Variants in GPC5 observed in about 807,000 individuals in gnomAD.
GPC5 encodes the protein glypican 5.
A neutral mutation model predicts 53.9 loss-of-function variants in GPC5; 47 were observed. The ratio of observed to expected loss-of-function variants is 0.87; its 90% CI spans 0.69 to 1.11. The LOEUF (loss-of-function observed/expected upper bound fraction) is 1.11. Ranked by LOEUF, GPC5 falls within the 50% of genes most tolerant of loss-of-function variation. The probability of loss-of-function intolerance (pLI) is 0.00; values close to 1 mark genes in which losing one functional copy is unlikely to be tolerated. For synonymous variants in GPC5, 286 were observed against 263.3 expected, an observed-to-expected ratio of 1.09 and a Z score of -0.84; for missense variants, 748 against 713.1, an observed-to-expected ratio of 1.05 and a Z score of -0.56.
intron 6 of GPC5, among the ~76,000 whole-genome samples, chr13:92,013,782 T>G (rs2040682651): frequency 6.6e-6 from 1 of 152,190 alleles, no homozygotes; most frequent in South Asian, 2.1e-4. Context: ...TATTCAAATA[T>G]TTATCTGATT....
intron 7 of GPC5, among the ~76,000 whole-genome samples, chr13:92,308,403 A>G (rs780246607): frequency 1.3e-5 from 2 of 152,214 alleles, no homozygotes; most frequent in Non-Finnish European, 1.5e-5. Flanking sequence ...TATGAACGAT[A>G]CATCTCAAAT....
intron 6 of GPC5, among the ~76,000 whole-genome samples, chr13:92,038,831 G>GAC (rs1179879466): frequency 6.6e-6 from 1 of 152,066 alleles, no homozygotes; most frequent in Non-Finnish European, 1.5e-5. Flanking sequence ...ACACAGTCAG[G>GAC]ACCCCAGGAA....
Position 92,063,563 on chromosome 13 carries a change from C to A in GPC5, c.1402-81267C>A, listed in dbSNP as rs564018004. On this transcript the variant is annotated intron_variant, in intron 6 of 7. Transcript: ENST00000377067. ...TGCTTTGGGCCCAAGAAATAAATTA[C>A]TGAAAAAATAAACCAAGAGAGGGTT... 2.0e-5 allele frequency among the ~76,000 whole-genome samples: 3 copies of A among 152,042 alleles called. No individual in the cohort carries two copies. The South Asian group carries it at 6.2e-4, about 32-fold the overall frequency.
chr13:92,296,039 T>C (rs550938371), intron 7 of GPC5, among the ~76,000 whole-genome samples: 13 of 152,266 alleles, frequency 8.5e-5, no homozygotes, highest in African/African-American at 3.1e-4. Flanking sequence ...TTTTAAGTTG[T>C]ATTTTTGTTT....
intron 6 of GPC5, among the ~76,000 whole-genome samples, chr13:92,006,884 T>C (rs1215504195): frequency 6.6e-6 from 1 of 151,238 alleles, no homozygotes; most frequent in East Asian, 1.9e-4. Flanking sequence ...CATTAGTTAA[T>C]TAACTTTGTT....
intron 5 of GPC5, among the ~76,000 whole-genome samples, chr13:91,766,417 A>G (rs1203947102): frequency 6.6e-6 from 1 of 152,174 alleles, no homozygotes; most frequent in Non-Finnish European, 1.5e-5. Context: ...TTATAATGCA[A>G]CCATTCATTC....
chr13:91,686,751 A>G (rs1222093763), intron 2 of GPC5, among the ~76,000 whole-genome samples: 2 of 152,146 alleles, frequency 1.3e-5, no homozygotes, highest in East Asian at 3.9e-4. Flanking sequence ...AAAATGATCT[A>G]CCTACCTATT....
At chr13:91,726,900 T>C (rs2140000943) in intron 3 of GPC5, among the ~76,000 whole-genome samples, 1 of 152,356 alleles carries the variant, frequency 6.6e-6, no homozygotes, top group East Asian at 1.9e-4. Context: ...GCATTCCATT[T>C]GCTCTCACAA....
In GPC5 at chr13:92,345,066, G is replaced by A. The variant is rs185245498; in HGVS notation, c.1561+200077G>A. 5.8e-4 allele frequency among the ~76,000 whole-genome samples: 88 copies of A among 152,158 alleles called. 1 individual carries two copies. In the East Asian group the frequency reaches 0.013, roughly 23 times the overall value. On this transcript the variant is annotated intron_variant, in intron 7 of 7. Transcript: ENST00000377067. ...GAACTAGCATAATAAAAATACAACAGCATAATATATCAAGAGAAAAATGTT... is the reference window on the plus strand; with the variant it reads ...GAACTAGCATAATAAAAATACAACAACATAATATATCAAGAGAAAAATGTT...
chr13:92,034,186 G>GATGT (rs1374663630), intron 6 of GPC5, among the ~76,000 whole-genome samples: 1 of 152,056 alleles, frequency 6.6e-6, no homozygotes, highest in Non-Finnish European at 1.5e-5. Context: ...ATTATTTATG[G>GATGT]ATGTATAATA....
chr13:91,479,215 T>A (rs1423333912), intron 2 of GPC5, among the ~76,000 whole-genome samples: 1 of 151,994 alleles, frequency 6.6e-6, no homozygotes, highest in Non-Finnish European at 1.5e-5. Context: ...ACTCAGCCTT[T>A]AATTAATATA....
At chr13:92,011,694 C>A (rs1386097240) in intron 6 of GPC5, among the ~76,000 whole-genome samples, 1 of 152,134 alleles carries the variant, frequency 6.6e-6, no homozygotes, top group African/African-American at 2.4e-5. Context: ...CTTATCTTAA[C>A]ATTTTCAAAG....
intron 6 of GPC5, among the ~76,000 whole-genome samples, chr13:92,113,835 C>CA (rs147228786): frequency 0.026 from 3,845 of 148,132 alleles, 160 homozygotes; most frequent in African/African-American, 0.091. Context: ...ACAAAAAAAA[C>CA]AAAAAAAAGC....
At chr13:92,176,398 A>C (rs918709419) in intron 7 of GPC5, among the ~76,000 whole-genome samples, 3 of 152,166 alleles carry the variant, frequency 2.0e-5, no homozygotes, top group Non-Finnish European at 2.9e-5. Context: ...GACGAGAAGT[A>C]AGTGGTGGTT....
rs145604931 is a variant in GPC5 at position 91,618,870 on chromosome 13, G to A, written c.326-74317G>A. Among the ~76,000 whole-genome samples, 16 of 151,972 alleles carry A rather than the reference G, an allele frequency of 1.1e-4. No homozygotes were observed. The East Asian group carries it at 3.1e-3, about 29-fold the overall frequency. ...TTTTGTATTAAATGAAATAATCTTT[G>A]TATCCTTTCAAGGCCTATATTTAAA... On this transcript the variant is annotated intron_variant, in intron 2 of 7. Transcript: ENST00000377067.
At chr13:92,434,152 G>A (rs1396334258) in intron 7 of GPC5, among the ~76,000 whole-genome samples, 2 of 152,156 alleles carry the variant, frequency 1.3e-5, no homozygotes, top group East Asian at 1.9e-4. Flanking sequence ...TGCTGTACTA[G>A]TAAATGTTCT....
At chr13:92,582,186 G>T (rs961000853) in intron 7 of GPC5, among the ~76,000 whole-genome samples, 1 of 151,922 alleles carries the variant, frequency 6.6e-6, no homozygotes, top group African/African-American at 2.4e-5. Flanking sequence ...TGGTATTAGG[G>T]TTAAGTCTTT....
intron 7 of GPC5, among the ~76,000 whole-genome samples, chr13:92,862,042 T>C (rs1450905292): frequency 6.6e-6 from 1 of 152,184 alleles, no homozygotes. Context: ...AAGCCAGAAT[T>C]TGACCTCGAG....
At chr13:92,337,839 C>G (rs772057426) in intron 7 of GPC5, among the ~76,000 whole-genome samples, 15 of 152,158 alleles carry the variant, frequency 9.9e-5, no homozygotes, top group Admixed American at 6.6e-4. Context: ...AAATGTAAAA[C>G]GCAAAATTAT....
Sources: gnomAD v4.1 joint callset for allele counts (sites outside exome capture counted in the v4.1 genomes callset) on GRCh38, gnomAD v4.1.1 for gene constraint, MANE v1.5 for transcripts, NCBI Gene and HGNC (gene_info 2026-07-23, HGNC 2026-07-21) for gene names.